The following CDH4 variants were observed in gnomAD, a reference collection of about 807,000 sequenced individuals.
The protein encoded by CDH4 is cadherin-4.
In CDH4, 33 loss-of-function variants were observed where a neutral mutation model predicts 86.0. That is an observed-to-expected ratio of 0.38 (90% CI 0.29 to 0.51). The LOEUF (loss-of-function observed/expected upper bound fraction) is 0.51. Ranked by LOEUF, CDH4 falls within the 20% of genes least tolerant of loss-of-function variation. The probability of loss-of-function intolerance (pLI) is 0.86; values close to 1 mark genes in which losing one functional copy is unlikely to be tolerated. For missense variants in CDH4, 1,114 were observed against 1,307.4 expected (o/e 0.85, Z 2.28); for synonymous variants, 555 against 549.4 (o/e 1.01, Z -0.14).
chr20:61,345,236 A>G (rs949623807), intron 2 of CDH4, among the ~76,000 whole-genome samples: 1 of 152,200 alleles, frequency 6.6e-6, no homozygotes, highest in African/African-American at 2.4e-5. Flanking sequence ...TCATCTGTAA[A>G]AGTCATATTT....
intron 2 of CDH4, among the ~76,000 whole-genome samples, chr20:61,324,938 A>G (rs767717477): frequency 1.7e-4 from 26 of 152,066 alleles, no homozygotes; most frequent in Non-Finnish European, 3.7e-4. Flanking sequence ...CCGAGACCAC[A>G]TCGAGCCTGT....
At chr20:61,740,582 G>A (rs2088320966) in intron 2 of CDH4, 1 of 152,124 alleles carries the variant, frequency 6.6e-6, no homozygotes, top group Non-Finnish European at 1.5e-5. Flanking sequence ...CCCAACAACT[G>A]GGGTCTCTGA....
chr20:61,620,513 C>A, intron 2 of CDH4, among the ~76,000 whole-genome samples: 1 of 147,780 alleles, frequency 6.8e-6, no homozygotes, highest in Non-Finnish European at 1.5e-5. Context: ...ATGATAGATT[C>A]GTACATACAT....
intron 2 of CDH4, chr20:61,437,249 C>T (rs1188788059): frequency 6.6e-6 from 1 of 152,290 alleles, no homozygotes; most frequent in Non-Finnish European, 1.5e-5. Flanking sequence ...TAGCAAGATC[C>T]TAGGCCCTTA....
chr20:61,767,268 A>G (rs748876284), intron 3 of CDH4, among the ~76,000 whole-genome samples: 4 of 152,184 alleles, frequency 2.6e-5, no homozygotes, highest in African/African-American at 4.8e-5. Flanking sequence ...CTTTGTGTGG[A>G]TGCAGTGGCT....
chr20:61,281,972 A>G (rs2084261327), intron 2 of CDH4, among the ~76,000 whole-genome samples: 1 of 152,218 alleles, frequency 6.6e-6, no homozygotes, highest in South Asian at 2.1e-4. Flanking sequence ...ACAGCAGCAC[A>G]CTGGGGGTTG....
chr20:61,674,207 C>T (rs2087421830), intron 2 of CDH4, among the ~76,000 whole-genome samples: 1 of 152,154 alleles, frequency 6.6e-6, no homozygotes, highest in African/African-American at 2.4e-5. Flanking sequence ...CTAGTGGAGC[C>T]CCAAGCCTGA....
At chr20:61,833,649 A>C (rs1981727876) in intron 4 of CDH4, among the ~76,000 whole-genome samples, 1 of 152,068 alleles carries the variant, frequency 6.6e-6, no homozygotes, top group South Asian at 2.1e-4. Context: ...GACTGAGCAC[A>C]GTACTGAGCC....
chr20:61,616,804 C>A (rs928437460), intron 2 of CDH4, among the ~76,000 whole-genome samples: 4 of 152,212 alleles, frequency 2.6e-5, no homozygotes, highest in Non-Finnish European at 4.4e-5. Context: ...TCCCACTCTG[C>A]AGGGACGCAG....
chr20:61,798,253 C>A (rs919473663), intron 4 of CDH4, among the ~76,000 whole-genome samples: 1 of 147,700 alleles, frequency 6.8e-6, no homozygotes, highest in Non-Finnish European at 1.5e-5. Flanking sequence ...TGCGGGAGCA[C>A]GCAGCAACAG....
intron 6 of CDH4, among the ~76,000 whole-genome samples, chr20:61,868,946 C>A (rs1357296292): frequency 6.6e-6 from 1 of 152,148 alleles, no homozygotes. Context: ...GTGGTGGACA[C>A]ACACAAAGCC....
intron 4 of CDH4, among the ~76,000 whole-genome samples, chr20:61,802,602 G>A (rs914738024): frequency 2.0e-5 from 3 of 152,278 alleles, no homozygotes; most frequent in African/African-American, 4.8e-5. Flanking sequence ...GGGAGTCCAC[G>A]CGTGGGTTTT....
In CDH4 at chr20:61,510,140, T is replaced by G. The variant is rs2085769109; in HGVS notation, c.170-233423T>G. On this transcript the variant is annotated intron_variant, in intron 2 of 15. Transcript: ENST00000614565. This position sits in a 1 kb window ranked among gnomAD's most constrained non-coding sequence, Gnocchi z 4.2. ...GGAGTGTTATTCATTTAAAGTTGTT[T>G]GAAAATCTGATCAGAAAGAGCTTCA... Among the ~76,000 whole-genome samples, 1 of 152,176 alleles carries G rather than the reference T, an allele frequency of 6.6e-6. No individual in the cohort carries two copies. Among genetic ancestry groups the G allele is most frequent in the Non-Finnish European group, 1.5e-5 (1 of 68,030 alleles).
At chr20:61,488,769 G>A (rs993886775) in intron 2 of CDH4, among the ~76,000 whole-genome samples, 2 of 152,160 alleles carry the variant, frequency 1.3e-5, no homozygotes, top group Non-Finnish European at 2.9e-5. Context: ...TGTTCTCTGT[G>A]TTCCTTGAGT....
chr20:61,665,188 C>G (rs1443932006), intron 2 of CDH4, among the ~76,000 whole-genome samples: 1 of 152,196 alleles, frequency 6.6e-6, no homozygotes, highest in Non-Finnish European at 1.5e-5. Flanking sequence ...ATAGTGGCGT[C>G]TTGGTCACAC....
chr20:61,868,358 CAG>C (rs1332816774), intron 6 of CDH4, among the ~76,000 whole-genome samples: 6 of 152,200 alleles, frequency 3.9e-5, no homozygotes, highest in Non-Finnish European at 1.5e-5. Flanking sequence ...TCTGAGGAGT[CAG>C]AGGGGAGGCA....
At chr20:61,347,303 G>A (rs956180995) in intron 2 of CDH4, among the ~76,000 whole-genome samples, 16 of 152,212 alleles carry the variant, frequency 1.1e-4, no homozygotes, top group Admixed American at 3.3e-4. Context: ...CTGAGTCTGC[G>A]TGATGGCCAA....
At chr20:61,340,782 G>A (rs1341824696) in intron 2 of CDH4, among the ~76,000 whole-genome samples, 1 of 152,034 alleles carries the variant, frequency 6.6e-6, no homozygotes. Flanking sequence ...GTCTCACTTT[G>A]TTGCCCAGGC....
intron 2 of CDH4, among the ~76,000 whole-genome samples, chr20:61,727,414 ATC>A (rs1414028544): frequency 6.6e-6 from 1 of 152,148 alleles, no homozygotes; most frequent in Non-Finnish European, 1.5e-5. Context: ...CATCATCATC[ATC>A]TCTGTCATCA....
Sources: gnomAD v4.1 joint callset for allele counts (sites outside exome capture counted in the v4.1 genomes callset) on GRCh38, gnomAD v4.1.1 for gene constraint, Gnocchi (gnomAD v3.1) non-coding constraint, MANE v1.5 for transcripts, NCBI Gene and HGNC (gene_info 2026-07-23, HGNC 2026-07-21) for gene names.